Variants in USP34 observed in about 807,000 individuals in gnomAD.
USP34 encodes the protein ubiquitin specific peptidase 34.
Under a neutral mutation model 460.3 loss-of-function variants are expected in USP34, and 70 were observed. The ratio of observed to expected loss-of-function variants is 0.15; its 90% CI spans 0.13 to 0.19. The LOEUF is 0.19. USP34 is among the 10% of genes least tolerant of loss of function. The pLI is 1.00. For synonymous variants in USP34, 1,647 were observed against 1,405.3 expected, an observed-to-expected ratio of 1.17 and a Z score of -3.85; for missense variants, 3,985 against 4,236.2, an observed-to-expected ratio of 0.94 and a Z score of 1.65.
chr2:61,256,324 CTTAGTT>C, intron 48 of USP34, 54 bp downstream of exon 48: 1 of 1,429,170 alleles, frequency 7.0e-7, no homozygotes, highest in Non-Finnish European at 9.8e-7. Flanking sequence ...TTAGTTTACC[CTTAGTT>C]TGTCTTTCAC....
intron 48 of USP34, among the ~76,000 whole-genome samples, 155 bp from the exon 49 acceptor site, chr2:61,248,838 C>T (rs991490912): frequency 3.3e-5 from 5 of 152,138 alleles, no homozygotes; most frequent in African/African-American, 4.8e-5. Flanking sequence ...GAGAACACCC[C>T]GTGTCTGCCT....
chr2:61,289,830 T>A (rs1050529347), intron 33 of USP34, among the ~76,000 whole-genome samples: 1 of 152,014 alleles, frequency 6.6e-6, no homozygotes, highest in African/African-American at 2.4e-5. Flanking sequence ...ACTATAAAAC[T>A]TACAGAAAGC....
At chr2:61,358,516 A>G (rs1025025092) in intron 10 of USP34, among the ~76,000 whole-genome samples, 19 of 152,182 alleles carry the variant, frequency 1.2e-4, no homozygotes, top group Admixed American at 6.5e-4. Context: ...CCCACAGGCA[A>G]TATCATACTC....
chr2:61,290,616 A>T (rs925838107), intron 33 of USP34, among the ~76,000 whole-genome samples: 7 of 152,164 alleles, frequency 4.6e-5, no homozygotes, highest in African/African-American at 1.7e-4. Context: ...AATCTCATCT[A>T]TTGTAACACA....
At position 61,277,496 on chromosome 2, in the gene USP34, C is replaced by CA. The variant is rs1689405858; in HGVS notation, c.5433+668dup. On this transcript the variant is annotated intron_variant, in intron 41 of 79. Coordinates refer to ENST00000398571, the MANE Select transcript of USP34 (RefSeq NM_014709.4). Reference sequence around the variant, plus strand: ...AAGCAATCCACCTACCTCAGCCACTCAAAGTGCTAGGACTATAGGCACGAG... The same window carrying CA: ...AAGCAATCCACCTACCTCAGCCACTCAAAAGTGCTAGGACTATAGGCACGAG... 2.0e-5 allele frequency among the ~76,000 whole-genome samples: 3 copies of CA among 152,266 alleles called. No individual in the cohort carries two copies. In the South Asian group the frequency reaches 6.2e-4, roughly 32 times the overall value.
At chr2:61,248,111 T>C (rs1688468650) in intron 49 of USP34, among the ~76,000 whole-genome samples, 1 of 141,128 alleles carries the variant, frequency 7.1e-6, no homozygotes, top group Admixed American at 7.7e-5. Flanking sequence ...TACTTGAACC[T>C]GGGAGGTGGA....
At chr2:61,231,751 T>TGTGC (rs1687912182) in intron 58 of USP34, among the ~76,000 whole-genome samples, 1 of 151,924 alleles carries the variant, frequency 6.6e-6, no homozygotes, top group Non-Finnish European at 1.5e-5. Context: ...TGTGGTGGTG[T>TGTGC]GTGCGTGTAG....
In USP34 at chr2:61,236,404, G is replaced by A; in HGVS notation, c.6778-15C>T. The A allele has an allele frequency of 6.4e-7, 1 of 1,561,056 alleles. No homozygotes were observed. Among genetic ancestry groups the A allele is most frequent in the Non-Finnish European group, 8.7e-7 (1 of 1,150,600 alleles). Reference sequence around the variant, plus strand: ...TGCCAAATCCACTGAAAATAAAAATGTTAACATTAGTGATAAAGCAGTTTA... The same window carrying A: ...TGCCAAATCCACTGAAAATAAAAATATTAACATTAGTGATAAAGCAGTTTA... On this transcript the variant is annotated splice_polypyrimidine_tract_variant and intron_variant, in intron 53 of 79. Transcript: ENST00000398571.
intron 2 of USP34, among the ~76,000 whole-genome samples, chr2:61,419,818 T>C (rs1467174511): frequency 6.6e-6 from 1 of 152,170 alleles, no homozygotes; most frequent in Admixed American, 6.5e-5. Context: ...TTATGCAATA[T>C]TCATCTAGTC....
intron 1 of USP34, among the ~76,000 whole-genome samples, chr2:61,449,218 C>T (rs1453130213): frequency 6.7e-6 from 1 of 149,736 alleles, no homozygotes; most frequent in Non-Finnish European, 1.5e-5. Flanking sequence ...AGTCATGCCA[C>T]TGTACTGCAG....
rs978723456 is a variant in USP34 at position 61,303,947 on chromosome 2, G to C, written c.3818-2493C>G. ...GAGTCTCGCTCTGTCGCCCAGGCTG[G>C]AGTGCAATGGCATGATCTCGGCTCA... On this transcript the variant is annotated intron_variant, in intron 27 of 79. Transcript: ENST00000398571. 4.6e-5 allele frequency among the ~76,000 whole-genome samples: 7 copies of C among 152,246 alleles called. No homozygotes were observed. The East Asian group carries it at 9.6e-4, about 21-fold the overall frequency.
chr2:61,396,495 T>G (rs1411045567), intron 3 of USP34, among the ~76,000 whole-genome samples: 1 of 151,800 alleles, frequency 6.6e-6, no homozygotes, highest in South Asian at 2.1e-4. Flanking sequence ...CAGCTAATTT[T>G]TTTTTTTTTT....
chr2:61,352,550 A>C (rs1270023038), intron 10 of USP34, among the ~76,000 whole-genome samples: 2 of 151,884 alleles, frequency 1.3e-5, no homozygotes, highest in Non-Finnish European at 1.5e-5. Flanking sequence ...TAATTTTAAA[A>C]CGCCTAAGCT....
intron 23 of USP34, among the ~76,000 whole-genome samples, chr2:61,315,900 T>C (rs1167045131): frequency 3.9e-5 from 6 of 152,016 alleles, no homozygotes; most frequent in Non-Finnish European, 5.9e-5. Flanking sequence ...AATTACCAAA[T>C]TGAAAATTAT....
Position 61,204,314 on chromosome 2 carries a change from C to T in USP34, c.9326G>A (p.Arg3109Gln), listed in dbSNP as rs375024728. The change falls in exon 74 of 80, where the codon CGG becomes CAG. Residue 3109 changes from arginine (R) to glutamine (Q), a missense_variant. Transcript: ENST00000398571. The part of the protein sequence containing the change: ...IKLIGGKSNI[R>Q]PPRPELNMCL... The stretch of plus-strand genomic sequence containing the variant: ...CATATTGAGTTCAGGGCGCGGAGGC[C>T]GAATATTGCTTTTCCCTCCTATTAG... 1 of 1,614,080 alleles carries T rather than the reference C, an allele frequency of 6.2e-7. No individual in the cohort carries two copies.
chr2:61,223,184 T>A lies in USP34; in HGVS notation c.7645-20A>T. The A allele has an allele frequency of 6.2e-7, 1 of 1,613,274 alleles. No homozygotes were observed. Among genetic ancestry groups the A allele is most frequent in the Non-Finnish European group, 8.5e-7 (1 of 1,179,486 alleles). On this transcript the variant is annotated intron_variant, in intron 63 of 79. Coordinates refer to ENST00000398571, the MANE Select transcript of USP34 (RefSeq NM_014709.4). ...AAATCCCTGTCAAAAGCAAAAGTTG[T>A]TCATTTAAGAACCGTTATTATTTTT...
intron 10 of USP34, among the ~76,000 whole-genome samples, chr2:61,367,469 C>T (rs1489836189): frequency 1.3e-5 from 2 of 152,192 alleles, no homozygotes; most frequent in Admixed American, 1.3e-4. Flanking sequence ...GGGCTGGAGA[C>T]TCCATCTCAA....
rs1186123174 is a variant in USP34, at chr2:61,228,957, C to G, written c.7238G>C (p.Gly2413Ala). ...CACAAAGCGAGTGACACATGAACGA[C>G]CACCAATATCTTCTACTGAGGTATC... The part of the protein sequence containing the change: ...DMDTSVEDIG[G>A]RSCVTRFVRT... The change falls in exon 60 of 80, where the codon GGT (glycine) becomes GCT (alanine). Residue 2413 changes from glycine (G) to alanine (A), a missense_variant. By Grantham distance (60) the Gly-to-Ala change is moderately conservative. Coordinates refer to ENST00000398571, the MANE Select transcript of USP34 (RefSeq NM_014709.4). The G allele has an allele frequency of 1.2e-6, 2 of 1,606,480 alleles. No individual in the cohort carries two copies. Among genetic ancestry groups the G allele is most frequent in the East Asian group, 2.2e-5 (1 of 44,784 alleles).
intron 49 of USP34, among the ~76,000 whole-genome samples, chr2:61,246,723 C>T (rs901969600): frequency 1.3e-5 from 2 of 152,070 alleles, no homozygotes; most frequent in Non-Finnish European, 2.9e-5. Flanking sequence ...ATTCACCATC[C>T]TTAGCCTACT....
Sources: gnomAD v4.1 joint callset for allele counts (sites outside exome capture counted in the v4.1 genomes callset) on GRCh38, gnomAD v4.1.1 for gene constraint, MANE v1.5 for transcripts, NCBI Gene and HGNC (gene_info 2026-07-23, HGNC 2026-07-21) for gene names.